Variants in PLA2R1 observed in about 807,000 individuals in gnomAD.
PLA2R1 encodes phospholipase A2 receptor 1, also known as secretory phospholipase A2 receptor.
A neutral mutation model predicts 195.9 loss-of-function variants in PLA2R1; 158 were observed. That is an observed-to-expected ratio of 0.81 (90% CI 0.71 to 0.92). The LOEUF (loss-of-function observed/expected upper bound fraction) is 0.92. Ranked by LOEUF, PLA2R1 falls within the 40% of genes least tolerant of loss-of-function variation. PLA2R1 has a pLI of 0.00. For synonymous variants in PLA2R1, 586 were observed against 598.2 expected (o/e 0.98, Z 0.30); for missense variants, 1,626 against 1,764.6 (o/e 0.92, Z 1.41).
intron 8 of PLA2R1, among the ~76,000 whole-genome samples, chr2:160,019,567 C>T (rs1003316264): frequency 6.6e-6 from 1 of 152,236 alleles, no homozygotes; most frequent in African/African-American, 2.4e-5. Flanking sequence ...GTAGCAGCCA[C>T]AGTTAATTGT....
intron 1 of PLA2R1, among the ~76,000 whole-genome samples, chr2:160,057,114 C>T (rs1695601649): frequency 1.3e-5 from 2 of 152,170 alleles, no homozygotes; most frequent in African/African-American, 2.4e-5. Flanking sequence ...AGAATGTAAC[C>T]AGACCCCTCT....
At chr2:160,053,479 G>A (rs1212860446) in intron 1 of PLA2R1, among the ~76,000 whole-genome samples, 1 of 152,042 alleles carries the variant, frequency 6.6e-6, no homozygotes, top group Non-Finnish European at 1.5e-5. Flanking sequence ...TCAAGTCAAT[G>A]TCCCTTTCCC....
intron 27 of PLA2R1, chr2:159,946,236 G>A (rs1053861995): frequency 1.0e-6 from 1 of 979,244 alleles, no homozygotes; most frequent in African/African-American, 1.7e-5. Flanking sequence ...ACTCCTCCTC[G>A]AAAGGGTAGG....
At chr2:160,030,435 C>A (rs867794765) in intron 4 of PLA2R1, among the ~76,000 whole-genome samples, 6 of 152,178 alleles carry the variant, frequency 3.9e-5, no homozygotes, top group Non-Finnish European at 8.8e-5. Context: ...GAAATTTTCA[C>A]GTTTCACATC....
intron 12 of PLA2R1, among the ~76,000 whole-genome samples, chr2:159,984,291 A>G: frequency 6.6e-6 from 1 of 152,222 alleles, no homozygotes; most frequent in East Asian, 1.9e-4. Flanking sequence ...TGAGGAGAAT[A>G]TAATAAACTC....
intron 3 of PLA2R1, among the ~76,000 whole-genome samples, chr2:160,037,752 T>C (rs745759956): frequency 2.6e-5 from 4 of 152,208 alleles, no homozygotes; most frequent in Non-Finnish European, 5.9e-5. Flanking sequence ...TTTTGACAAC[T>C]TCTACTCATC....
Position 159,951,311 on chromosome 2 carries a change from G to C in PLA2R1, c.3540+29C>G, listed in dbSNP as rs754289838. ...GTAGATGCTAAACTTAATTATTCAAGGATGTCTCAAGGGAGTTAGGATACC... is the reference window on the plus strand; with the variant it reads ...GTAGATGCTAAACTTAATTATTCAACGATGTCTCAAGGGAGTTAGGATACC... On this transcript the variant is annotated intron_variant, in intron 24 of 29. Transcript: ENST00000283243. The C allele has an allele frequency of 9.8e-6, 12 of 1,226,632 alleles. No homozygotes were observed. The Admixed American group carries it at 2.1e-4, about 21-fold the overall frequency. The allele number at this position is 1,226,632 out of a possible 1,614,324, so 76.0% of individuals were successfully genotyped here.
At chr2:160,040,873 T>C (rs920692755) in intron 3 of PLA2R1, among the ~76,000 whole-genome samples, 1 of 152,358 alleles carries the variant, frequency 6.6e-6, no homozygotes, top group Non-Finnish European at 1.5e-5. Flanking sequence ...TGGTTAACCC[T>C]TGTGAGTACT....
intron 13 of PLA2R1, among the ~76,000 whole-genome samples, chr2:159,980,686 T>C (rs866531660): frequency 5.3e-5 from 8 of 152,186 alleles, no homozygotes; most frequent in Admixed American, 1.3e-4. Context: ...AGAGTACAAA[T>C]GTGTCCACAG....
chr2:159,934,671 T>C lies in PLA2R1; in HGVS notation c.*7107A>G, dbSNP rs536259125. 21 of 152,190 alleles carry C rather than the reference T, an allele frequency of 1.4e-4. No homozygotes were observed. Among genetic ancestry groups the C allele is most frequent in the African/African-American group, 4.6e-4 (19 of 41,442 alleles). 9.4% of individuals were successfully genotyped at this position (152,190 alleles called of 1,614,324 possible). On this transcript the variant is annotated 3_prime_UTR_variant, in exon 30 of 30. Transcript: ENST00000283243. ...ATATATCCAGTGGTGTCTAATATCA[T>C]AGCAAAATGTTAACTTTTTATATTG...
Position 160,062,324 on chromosome 2 carries a change from A to G in PLA2R1, c.80T>C (p.Leu27Pro). Residue 27 changes from leucine to proline, a missense_variant, in exon 1 of 30, where the codon CTT becomes CCT. Leu to Pro is a moderately conservative substitution (Grantham distance 98, BLOSUM62 -3). Transcript: ENST00000283243. The part of the protein sequence containing the change: ...RGCAEGVAAA[L>P]TPERLLEWQD... Reference sequence around the variant, plus strand: ...CCACTCCAGGAGCCGCTCGGGGGTAAGCGCCGCCGCCACACCCTCGGCGCA... The same window carrying G: ...CCACTCCAGGAGCCGCTCGGGGGTAGGCGCCGCCGCCACACCCTCGGCGCA... The G allele has an allele frequency of 1.3e-6, 2 of 1,524,382 alleles. No homozygotes were observed. The highest frequency in any genetic ancestry group is 2.6e-5 in the East Asian group (1 of 37,964). 94.4% of individuals were successfully genotyped at this position (1,524,382 alleles called of 1,614,324 possible). A position where few individuals can be genotyped will look rare whatever the true frequency, so the allele number is the denominator to read the frequency against.
At chr2:160,055,266 G>A (rs142381071) in intron 1 of PLA2R1, among the ~76,000 whole-genome samples, 64 of 152,280 alleles carry the variant, frequency 4.2e-4, no homozygotes, top group Non-Finnish European at 7.9e-4. Flanking sequence ...GAAGAAATGC[G>A]AGGGATGACA....
At chr2:159,969,528 C>T (rs1379545217) in intron 18 of PLA2R1, among the ~76,000 whole-genome samples, 169 bp from the exon 19 acceptor site, 1 of 152,046 alleles carries the variant, frequency 6.6e-6, no homozygotes, top group Non-Finnish European at 1.5e-5. Flanking sequence ...GTATCATATA[C>T]TTAAAATTTT....
At chr2:160,009,654 C>A (rs1397712) in intron 10 of PLA2R1, among the ~76,000 whole-genome samples, 9,758 of 152,120 alleles carry the variant, frequency 0.064, 557 homozygotes, top group East Asian at 0.18. Context: ...TGACACTGAA[C>A]TGCACACTGA....
chr2:159,994,861 T>C (rs771775117), intron 11 of PLA2R1, among the ~76,000 whole-genome samples: 5 of 151,910 alleles, frequency 3.3e-5, no homozygotes, highest in African/African-American at 7.3e-5. Context: ...ACAGGAATGA[T>C]AGGAGGGATG....
intron 3 of PLA2R1, among the ~76,000 whole-genome samples, chr2:160,033,354 A>G (rs1693976092): frequency 6.6e-6 from 1 of 152,212 alleles, no homozygotes; most frequent in African/African-American, 2.4e-5. Flanking sequence ...ATAAGAAATC[A>G]CCAATGAAGA....
intron 5 of PLA2R1, among the ~76,000 whole-genome samples, 172 bp downstream of exon 5, chr2:160,028,678 C>T (rs2105506741): frequency 6.6e-6 from 1 of 152,298 alleles, no homozygotes; most frequent in South Asian, 2.1e-4. Flanking sequence ...AGCTTATCTT[C>T]CTGGTCCCTA....
intron 20 of PLA2R1, among the ~76,000 whole-genome samples, chr2:159,958,320 G>C (rs1261365372): frequency 6.6e-6 from 1 of 152,034 alleles, no homozygotes; most frequent in Non-Finnish European, 1.5e-5. Context: ...TGCCATGATT[G>C]TAAGCTCCCT....
chr2:159,950,979 T>C (rs761028277), intron 24 of PLA2R1, among the ~76,000 whole-genome samples: 27 of 152,224 alleles, frequency 1.8e-4, no homozygotes, highest in Non-Finnish European at 3.1e-4. Flanking sequence ...TCGTTTTTTC[T>C]TGGGGATTCA....
Sources: gnomAD v4.1 joint callset for allele counts (sites outside exome capture counted in the v4.1 genomes callset) on GRCh38, gnomAD v4.1.1 for gene constraint, MANE v1.5 for transcripts, NCBI Gene and HGNC (gene_info 2026-07-23, HGNC 2026-07-21) for gene names.